Variants in GTPBP3 observed in about 807,000 individuals in gnomAD.
GTPBP3 encodes 5-taurinomethyluridine-[tRNA] synthase subunit GTPB3, mitochondrial.
GTPBP3 carries 35 observed loss-of-function variants against 42.0 expected under a neutral mutation model. The ratio of observed to expected loss-of-function variants is 0.83; its 90% CI spans 0.64 to 1.10. GTPBP3 has a LOEUF of 1.10. GTPBP3 is among the 50% of genes least tolerant of loss of function. GTPBP3 has a pLI of 0.00. For synonymous variants in GTPBP3, 332 were observed against 314.9 expected, an observed-to-expected ratio of 1.05 and a Z score of -0.58; for missense variants, 691 against 685.2, an observed-to-expected ratio of 1.01 and a Z score of -0.09.
At chr19:17,335,220 A>T, upstream of GTPBP3, 2 of 1,486,168 alleles carry the variant, frequency 1.3e-6, no homozygotes, top group East Asian at 2.5e-5. Flanking sequence ...GTGATACATA[A>T]TTACAGCAAG....
intron 7 of GTPBP3, 152 bp from the exon 8 acceptor site, chr19:17,340,892 T>A: frequency 1.0e-5 from 5 of 494,730 alleles, no homozygotes; most frequent in South Asian, 2.0e-5. Flanking sequence ...GCCCCCAACA[T>A]TCTGCCGGTC....
chr19:17,340,950 C>G (rs1217853490), intron 7 of GTPBP3, 94 bp from the exon 8 acceptor site: 1 of 1,412,892 alleles, frequency 7.1e-7, no homozygotes, highest in Admixed American at 1.9e-5. Context: ...CGCAGCTCCC[C>G]CAGTGCTCTG....
At position 17,340,790 on chromosome 19, in the gene GTPBP3, T is replaced by C. The variant is rs57873509; in HGVS notation, c.975-254T>C. On this transcript the variant is annotated intron_variant, in intron 7 of 8. Coordinates refer to ENST00000324894, the MANE Select transcript of GTPBP3 (RefSeq NM_032620.4). ...CCCAGCCCCTCCTGCTCTGCCCCGC[T>C]CCCGCACCGTGACCGCTCCTCTTGC... Among the ~76,000 whole-genome samples the C allele has an allele frequency of 0.4, 46,149 of 114,326 alleles. 7,798 individuals carry two copies. The highest frequency in any genetic ancestry group is 0.56 in the Middle Eastern group (113 of 202). The allele number at this position is 114,326 out of a possible 152,430, so 75.0% of individuals were successfully genotyped here.
intron 4 of GTPBP3, 90 bp downstream of exon 4, chr19:17,338,831 C>T (rs893839723): frequency 6.5e-7 from 1 of 1,533,090 alleles, no homozygotes; most frequent in Non-Finnish European, 8.8e-7. Context: ...CATTCATTCC[C>T]TGCGTGAAAG....
chr19:17,341,794 C>G lies in GTPBP3; in HGVS notation c.*91C>G. 1 of 1,131,838 alleles carries G rather than the reference C, an allele frequency of 8.8e-7. No individual in the cohort carries two copies. The allele number at this position is 1,131,838 out of a possible 1,614,324, so 70.1% of individuals were successfully genotyped here. ...GTTTAGGCCAATTGGGATTCTCATT[C>G]GCCTGGGAAAGAACTTGATTCTCAA... On this transcript the variant is annotated 3_prime_UTR_variant, in exon 9 of 9. Coordinates refer to ENST00000324894, the MANE Select transcript of GTPBP3 (RefSeq NM_032620.4).
Position 17,341,608 on chromosome 19 carries a change from C to A in GTPBP3, c.1384C>A (p.Arg462=). The change falls in exon 9 of 9, where the codon CGG becomes AGG. Residue 462 remains arginine (R), a synonymous_variant. Coordinates refer to ENST00000324894, the MANE Select transcript of GTPBP3 (RefSeq NM_032620.4). ...KDLALAAEAL[R]VARGHLTRLT... ...CCTGGCCCTGGCGGCAGAGGCGCTG[C>A]GGGTGGCCCGGGGTCACCTGACCCG... 6.2e-7 allele frequency: 1 copy of A among 1,613,830 alleles called. No individual in the cohort carries two copies. Among genetic ancestry groups the A allele is most frequent in the Non-Finnish European group, 8.5e-7 (1 of 1,179,932 alleles).
chr19:17,341,104 C>T lies in GTPBP3; in HGVS notation c.1035C>T (p.Ser345=). The T allele has an allele frequency of 6.2e-7, 1 of 1,613,944 alleles. No individual in the cohort carries two copies. Among genetic ancestry groups the T allele is most frequent in the Non-Finnish European group, 8.5e-7 (1 of 1,180,024 alleles). The change falls in exon 8 of 9, where the codon TCC becomes TCT. Residue 345 remains serine (S), a synonymous_variant. Transcript: ENST00000324894. ...MLDASDLASP[S]SCNFLATVVA... ...ATGCTTCTGACCTGGCCTCTCCCTC[C>T]AGTTGCAACTTCCTGGCCACCGTCG...
In GTPBP3 at chr19:17,341,128, CGTAG is replaced by C. The variant is rs2074426765; in HGVS notation, c.1060_1063del (p.Val354ProfsTer19). 4 of 1,613,712 alleles carry C rather than the reference CGTAG, an allele frequency of 2.5e-6. No individual in the cohort carries two copies. Among genetic ancestry groups the C allele is most frequent in the Admixed American group, 3.3e-5 (2 of 59,996 alleles). On this transcript the variant is annotated frameshift_variant, in exon 8 of 9. Transcript: ENST00000324894. LOFTEE classifies it high-confidence loss of function. ...CCAGTTGCAACTTCCTGGCCACCGT[CGTAG>C]CCTCTGTGGGAGCCCAGAGCCCCAG...
chr19:17,338,014 C>T lies in GTPBP3; in HGVS notation c.60C>T (p.Cys20=). Residue 20 remains cysteine (C), a synonymous_variant, in exon 2 of 9, where the codon TGC becomes TGT. Coordinates refer to ENST00000324894, the MANE Select transcript of GTPBP3 (RefSeq NM_032620.4). Reference sequence around the variant, plus strand: ...GCCTCCCCTCCGGTTCCAGATTGTGCACGCGCCGGAGCAGCGGCGCACCAG... The same window carrying T: ...GCCTCCCCTCCGGTTCCAGATTGTGTACGCGCCGGAGCAGCGGCGCACCAG... ...AQAARGPRRL[C]TRRSSGAPAP... 2 of 1,597,710 alleles carry T rather than the reference C, an allele frequency of 1.3e-6. No homozygotes were observed. The highest frequency in any genetic ancestry group is 1.1e-5 in the South Asian group (1 of 90,978).
chr19:17,335,844 ACAGATGTAATAACTAGCTTG>A (rs2074362738), upstream of GTPBP3, among the ~76,000 whole-genome samples: 1 of 84,606 alleles, frequency 1.2e-5, no homozygotes, highest in Non-Finnish European at 3.5e-5. Context: ...CTAGCTTGTT[ACAGATGTAATAACTAGCTTG>A]TTACAGATGT....
upstream of GTPBP3, among the ~76,000 whole-genome samples, chr19:17,335,802 C>T (rs528531539): frequency 2.5e-5 from 2 of 78,768 alleles, no homozygotes; most frequent in Admixed American, 9.3e-5. Flanking sequence ...ACACAGTAGG[C>T]GCTTGCTGTA....
upstream of GTPBP3, chr19:17,335,088 G>A: frequency 6.5e-7 from 1 of 1,536,080 alleles, no homozygotes; most frequent in Non-Finnish European, 8.7e-7. Context: ...GCAAACTCCG[G>A]ACCCTGGAGA....
In GTPBP3 at chr19:17,339,197, C is replaced by G; in HGVS notation, c.739C>G (p.Arg247Gly). 6.2e-7 allele frequency: 1 copy of G among 1,613,524 alleles called. No homozygotes were observed. Among genetic ancestry groups the G allele is most frequent in the Non-Finnish European group, 8.5e-7 (1 of 1,179,998 alleles). ...AGATGCCAGGCGCGGGCAGAGGCTCCGCTCAGGGGTGCACGTAGTGGTCAC... is the reference window on the plus strand; with the variant it reads ...AGATGCCAGGCGCGGGCAGAGGCTCGGCTCAGGGGTGCACGTAGTGGTCAC... ...LRDARRGQRLRSGVHVVVTGP... is the reference protein window; with the variant it reads ...LRDARRGQRLGSGVHVVVTGP... The change falls in exon 6 of 9, where the codon CGC becomes GGC. Residue 247 changes from arginine (R) to glycine (G), a missense_variant. Coordinates refer to ENST00000324894, the MANE Select transcript of GTPBP3 (RefSeq NM_032620.4).
chr19:17,337,572 C>T lies in GTPBP3; in HGVS notation c.-40C>T. On this transcript the variant is annotated 5_prime_UTR_variant, in exon 1 of 9. Coordinates refer to ENST00000324894, the MANE Select transcript of GTPBP3 (RefSeq NM_032620.4). ...GGCCCCCTGCCCAGACTTGAAGCCACACAGGCAGGTCGGGCAGGCGGGTCG... is the reference window on the plus strand; with the variant it reads ...GGCCCCCTGCCCAGACTTGAAGCCATACAGGCAGGTCGGGCAGGCGGGTCG... 1 of 1,318,676 alleles carries T rather than the reference C, an allele frequency of 7.6e-7. No individual in the cohort carries two copies. The highest frequency in any genetic ancestry group is 9.7e-7 in the Non-Finnish European group (1 of 1,028,418). The allele number at this position is 1,318,676 out of a possible 1,614,324, so 81.7% of individuals were successfully genotyped here.
chr19:17,342,680 A>C lies in GTPBP3; in HGVS notation c.*977A>C, dbSNP rs1237189596. 6.6e-6 allele frequency: 1 copy of C among 152,156 alleles called. No individual in the cohort carries two copies. Among genetic ancestry groups the C allele is most frequent in the Non-Finnish European group, 1.5e-5 (1 of 68,032 alleles). The allele number at this position is 152,156 out of a possible 1,614,324, so 9.4% of individuals were successfully genotyped here. A position where few individuals can be genotyped will look rare whatever the true frequency, so the allele number is the denominator to read the frequency against. ...TGCATACTTGTGGATGTACCTTTCA[A>C]ATATGTTTGTCTTGTGTATCATATA... On this transcript the variant is annotated 3_prime_UTR_variant, in exon 9 of 9. Coordinates refer to ENST00000324894, the MANE Select transcript of GTPBP3 (RefSeq NM_032620.4).
upstream of GTPBP3, among the ~76,000 whole-genome samples, chr19:17,336,415 G>A (rs1057356925): frequency 4.7e-5 from 7 of 147,758 alleles, no homozygotes; most frequent in African/African-American, 1.8e-4. Context: ...GAGGCGGGCG[G>A]ATCCCTTGAG....
In GTPBP3 at chr19:17,341,277, G is replaced by A. The variant is rs1568368218; in HGVS notation, c.1208G>A (p.Gly403Glu). Residue 403 changes from glycine (G) to glutamate (E), a missense_variant, in exon 8 of 9, where the codon GGG becomes GAG. Gly to Glu is a moderately conservative substitution (Grantham distance 98). Transcript: ENST00000324894. The stretch of plus-strand genomic sequence containing the variant: ...CTGCTGTCCTGTCTGACGGGAGAGG[G>A]GCTGGACGGCCTCCTGGAGGCGCTG... ...HLLLSCLTGE[G>E]LDGLLEALRK... The A allele has an allele frequency of 1.2e-6, 2 of 1,605,302 alleles. No homozygotes were observed. The highest frequency in any genetic ancestry group is 1.7e-6 in the Non-Finnish European group (2 of 1,179,798).
Position 17,342,195 on chromosome 19 carries a change from CG to C in GTPBP3, c.*496del, listed in dbSNP as rs2074440416. 6.6e-6 allele frequency: 1 copy of C among 152,142 alleles called. No homozygotes were observed. The highest frequency in any genetic ancestry group is 2.4e-5 in the African/African-American group (1 of 41,340). 9.4% of individuals were successfully genotyped at this position (152,142 alleles called of 1,614,324 possible). A position where few individuals can be genotyped will look rare whatever the true frequency, so the allele number is the denominator to read the frequency against. On this transcript the variant is annotated 3_prime_UTR_variant, in exon 9 of 9. Transcript: ENST00000324894. ...CTTGGCTCACTGCAACCTCCATCTCCGGGGCTCAAGCGCTTCTCCTGCCTCA... is the reference window on the plus strand; with the variant it reads ...CTTGGCTCACTGCAACCTCCATCTCCGGGCTCAAGCGCTTCTCCTGCCTCA...
rs987146936 is a variant in GTPBP3 at position 17,342,063 on chromosome 19, C to T, written c.*360C>T. The T allele has an allele frequency of 5.4e-6, 1 of 185,876 alleles. No homozygotes were observed. The highest frequency in any genetic ancestry group is 2.4e-5 in the African/African-American group (1 of 42,482). 11.5% of individuals were successfully genotyped at this position (185,876 alleles called of 1,614,324 possible). ...AGTGTTTATTTTCTTCCCTTCCCTT[C>T]CCTTCCCTTTCCTTTTCCCTTTCCC... On this transcript the variant is annotated 3_prime_UTR_variant, in exon 9 of 9. Transcript: ENST00000324894.
Sources: allele counts gnomAD v4.1 joint callset (sites outside exome capture counted in the v4.1 genomes callset), GRCh38; gene constraint gnomAD v4.1.1; transcripts MANE v1.5; gene names NCBI Gene and HGNC (gene_info 2026-07-23, HGNC 2026-07-21).